TRIM66: variants seen among roughly 807,000 people sequenced by gnomAD.
TRIM66 encodes tripartite motif-containing protein 66.
In TRIM66, 99 loss-of-function variants were observed where a neutral mutation model predicts 148.2. The ratio of observed to expected loss-of-function variants is 0.67; its 90% CI spans 0.57 to 0.79. TRIM66 has a LOEUF of 0.79. Ranked by LOEUF, TRIM66 falls within the 30% of genes least tolerant of loss-of-function variation. TRIM66 has a pLI of 0.00. For missense variants in TRIM66, 1,666 were observed against 1,697.9 expected (o/e 0.98, Z 0.33); for synonymous variants, 616 against 635.9 (o/e 0.97, Z 0.47).
Position 8,651,788 on chromosome 11 carries a change from G to A in TRIM66, c.444+12C>T. On this transcript the variant is annotated intron_variant, in intron 7 of 24. Transcript: ENST00000646038. ...AAAAAGATCAGCTGCTTCTTTCCTT[G>A]TCCTGACTTACCCTGGCCATCTTGG... is the stretch of plus-strand genomic sequence containing the variant. 6.5e-7 allele frequency: 1 copy of A among 1,549,378 alleles called. No individual in the cohort carries two copies. Among genetic ancestry groups the A allele is most frequent in the Non-Finnish European group, 8.7e-7 (1 of 1,144,924 alleles).
chr11:8,648,015 T>C lies in TRIM66; in HGVS notation c.797A>G (p.His266Arg), dbSNP rs1039040068. Residue 266 changes from histidine to arginine, a missense_variant, in exon 10 of 25, where the codon CAT (histidine) becomes CGT (arginine). Transcript: ENST00000646038. Reference protein sequence around the residue: ...LLEGVTTQVAHKKSSLQTSAK... With the variant: ...LLEGVTTQVARKKSSLQTSAK... ...AGATGTCTGTAGACTGGATTTCTTA[T>C]GTGCCACCTGTGTAGTCACACCTTC... is the stretch of plus-strand genomic sequence containing the variant. The C allele has an allele frequency of 3.9e-6, 6 of 1,551,824 alleles. No homozygotes were observed. Among genetic ancestry groups the C allele is most frequent in the Admixed American group, 2.0e-5 (1 of 51,010 alleles).
At chr11:8,661,843 G>A (rs1375152661) in intron 6 of TRIM66, among the ~76,000 whole-genome samples, 2 of 152,068 alleles carry the variant, frequency 1.3e-5, no homozygotes, top group Non-Finnish European at 2.9e-5. Context: ...GCCCCTCAAA[G>A]ATCCCATCCA....
intron 6 of TRIM66, among the ~76,000 whole-genome samples, chr11:8,655,018 G>C (rs958628543): frequency 3.9e-5 from 6 of 152,028 alleles, no homozygotes; most frequent in African/African-American, 1.4e-4. Flanking sequence ...CTGCCACTAC[G>C]CCTGGCTATT....
In TRIM66 at chr11:8,645,854, G is replaced by A. The variant is rs1350898094; in HGVS notation, c.991C>T (p.Gln331Ter). ...ITNERKRKLEQQLQSIMVLNR... is the reference protein window; with the variant it reads ...ITNERKRKLE ...AGAACCATGATGCTCTGTAACTGCT[G>A]TTCCAGCTTCCGCTTTCTCTCATTA... is the stretch of plus-strand genomic sequence containing the variant. The change falls in exon 12 of 25, where the codon CAG (glutamine) becomes TAG (stop). Residue 331 changes from glutamine (Q) to a stop codon, truncating the protein, a stop_gained. Coordinates refer to ENST00000646038, the MANE Select transcript of TRIM66 (RefSeq NM_001388022.1). LOFTEE classifies it high-confidence loss of function. The A allele has an allele frequency of 6.4e-7, 1 of 1,551,734 alleles. No homozygotes were observed. Among genetic ancestry groups the A allele is most frequent in the Non-Finnish European group, 8.7e-7 (1 of 1,147,002 alleles).
intron 6 of TRIM66, among the ~76,000 whole-genome samples, chr11:8,658,218 G>A (rs527880495): frequency 8.5e-5 from 13 of 152,352 alleles, no homozygotes; most frequent in African/African-American, 3.1e-4. Context: ...CGAAGGCTCT[G>A]CAGCAATTTT....
chr11:8,640,544 G>A lies in TRIM66; in HGVS notation c.1831C>T (p.His611Tyr), dbSNP rs777864629. Residue 611 changes from histidine to tyrosine, a missense_variant, in exon 14 of 25, where the codon CAT becomes TAT. Coordinates refer to ENST00000646038, the MANE Select transcript of TRIM66 (RefSeq NM_001388022.1). The part of the protein sequence containing the change: ...QLPPPPPPLP[H>Y]PPPPLPPPPQ... ...GGAGGGGGAAGGGGAGGTGGGGGAT[G>A]GGGGAGGGGTGGTGGTGGAGGTGGT... is the stretch of plus-strand genomic sequence containing the variant. 31 of 1,534,180 alleles carry A rather than the reference G, an allele frequency of 2.0e-5. No homozygotes were observed. In the African/African-American group the frequency reaches 2.4e-4, roughly 12 times the overall value.
At chr11:8,619,969 G>A (rs1270377575) in intron 22 of TRIM66, 81 bp downstream of exon 22, 1 of 1,245,420 alleles carries the variant, frequency 8.0e-7, no homozygotes, top group Non-Finnish European at 1.1e-6. Context: ...GAAAAACAGG[G>A]GTTAGGGGAG....
chr11:8,658,923 G>T (rs905997714), intron 6 of TRIM66: 1 of 457,388 alleles, frequency 2.2e-6, no homozygotes. Context: ...CCAATTGTCC[G>T]TCACAAGCAG....
intron 6 of TRIM66, among the ~76,000 whole-genome samples, chr11:8,655,974 G>A (rs920828940): frequency 2.0e-5 from 3 of 152,174 alleles, no homozygotes; most frequent in African/African-American, 4.8e-5. Context: ...AAAGAGCAGA[G>A]GTGGAGAACC....
At chr11:8,642,127 T>C (rs1169576626) in intron 13 of TRIM66, among the ~76,000 whole-genome samples, 2 of 152,130 alleles carry the variant, frequency 1.3e-5, no homozygotes, top group Non-Finnish European at 2.9e-5. Context: ...CACAAGTAGA[T>C]CTATGGCTAA....
Position 8,640,961 on chromosome 11 carries a change from G to A in TRIM66, c.1414C>T (p.Pro472Ser), listed in dbSNP as rs924034721. 2 of 1,551,300 alleles carry A rather than the reference G, an allele frequency of 1.3e-6. No individual in the cohort carries two copies. The highest frequency in any genetic ancestry group is 1.7e-6 in the Non-Finnish European group (2 of 1,146,964). Reference sequence around the variant, plus strand: ...TGGCCTTTGAGGGAAGGCGAGACTGGGGAGCAGTGGGAGCAGCACACAGAT... The same window carrying A: ...TGGCCTTTGAGGGAAGGCGAGACTGAGGAGCAGTGGGAGCAGCACACAGAT... The part of the protein sequence containing the change: ...SSSVCCSHCS[P>S]VSPSLKGQVP... The change falls in exon 14 of 25, where the codon CCA (proline) becomes TCA (serine). Residue 472 changes from proline (P) to serine (S), a missense_variant. Pro to Ser is a moderately conservative substitution (Grantham distance 74, BLOSUM62 -1). Coordinates refer to ENST00000646038, the MANE Select transcript of TRIM66 (RefSeq NM_001388022.1).
intron 15 of TRIM66, among the ~76,000 whole-genome samples, chr11:8,629,611 A>G (rs2035202245): frequency 6.6e-6 from 1 of 152,228 alleles, no homozygotes. Flanking sequence ...ATGTGAGTTA[A>G]CATAATGATA....
In TRIM66 at chr11:8,646,530, C is replaced by T. The variant is rs1592123699; in HGVS notation, c.874G>A (p.Val292Met). 7.1e-6 allele frequency: 11 copies of T among 1,551,930 alleles called. No homozygotes were observed. In the East Asian group the frequency reaches 2.7e-4, roughly 38 times the overall value. ...IFEVKHQHRK[V>M]ENQIKMAKMV... ...TTGGCCATTTTGATCTGGTTTTCCA[C>T]CTTCCTATGCTGATGCTTCACTTCA... The change falls in exon 11 of 25, where the codon GTG becomes ATG. Residue 292 changes from valine to methionine, a missense_variant. By Grantham distance (21) the Val-to-Met change is conservative (BLOSUM62 1). Transcript: ENST00000646038.
intron 15 of TRIM66, among the ~76,000 whole-genome samples, chr11:8,631,865 C>T (rs1215480020): frequency 6.6e-6 from 1 of 152,122 alleles, no homozygotes; most frequent in African/African-American, 2.4e-5. Flanking sequence ...GCTGCTGTTC[C>T]AAAGCTTTGC....
intron 6 of TRIM66, among the ~76,000 whole-genome samples, chr11:8,671,213 A>T (rs2038911303): frequency 6.6e-6 from 1 of 152,246 alleles, no homozygotes; most frequent in Non-Finnish European, 1.5e-5. Flanking sequence ...AATTTCATTC[A>T]ATGGATATTC....
chr11:8,682,605 A>C lies in TRIM66; in HGVS notation c.-552T>G. On this transcript the variant is annotated 5_prime_UTR_variant, in exon 1 of 25. Transcript: ENST00000646038. ...GCCTAGCACAACGAGCCTCACCGAAACCGTACACCGCCACCAGGACACTCC... is the reference window on the plus strand; with the variant it reads ...GCCTAGCACAACGAGCCTCACCGAACCCGTACACCGCCACCAGGACACTCC... 1 of 623,306 alleles carries C rather than the reference A, an allele frequency of 1.6e-6. No individual in the cohort carries two copies. The highest frequency in any genetic ancestry group is 2.9e-6 in the Non-Finnish European group (1 of 347,914). The allele number at this position is 623,306 out of a possible 1,614,324, so 38.6% of individuals were successfully genotyped here. A position where few individuals can be genotyped will look rare whatever the true frequency, so the allele number is the denominator to read the frequency against.
At position 8,624,555 on chromosome 11, in the gene TRIM66, T is replaced by C. The variant is rs1251027072; in HGVS notation, c.2827-4A>G. On this transcript the variant is annotated splice_polypyrimidine_tract_variant and splice_region_variant and intron_variant, in intron 16 of 24. Transcript: ENST00000646038. Reference sequence around the variant, plus strand: ...GAGTGGAATCCTCACTTTCCATCTTTCAAAAGTGAAATGTCGACAAGAATC... The same window carrying C: ...GAGTGGAATCCTCACTTTCCATCTTCCAAAAGTGAAATGTCGACAAGAATC... 3 of 1,521,972 alleles carry C rather than the reference T, an allele frequency of 2.0e-6. No homozygotes were observed. The African/African-American group carries it at 4.2e-5, about 21-fold the overall frequency. The allele number at this position is 1,521,972 out of a possible 1,614,324, so 94.3% of individuals were successfully genotyped here.
At chr11:8,672,446 C>T in intron 4 of TRIM66, 61 bp from the exon 5 acceptor site, 2 of 1,425,448 alleles carry the variant, frequency 1.4e-6, no homozygotes, top group Non-Finnish European at 1.8e-6. Flanking sequence ...ATGACAGGCA[C>T]TTTACATACT....
intron 3 of TRIM66, among the ~76,000 whole-genome samples, chr11:8,677,419 T>C (rs898449874): frequency 1.3e-5 from 2 of 152,178 alleles, no homozygotes; most frequent in African/African-American, 2.4e-5. Flanking sequence ...TATTTTTTCA[T>C]TATACAGACA....
Sources: allele counts gnomAD v4.1 joint callset (sites outside exome capture counted in the v4.1 genomes callset), GRCh38; gene constraint gnomAD v4.1.1; transcripts MANE v1.5; gene names NCBI Gene and HGNC (gene_info 2026-07-23, HGNC 2026-07-21).